The following MCF2L variants were observed in gnomAD, a reference collection of about 807,000 sequenced individuals.
MCF2L encodes the protein guanine nucleotide exchange factor DBS.
Under a neutral mutation model 153.4 loss-of-function variants are expected in MCF2L, and 97 were observed. The ratio of observed to expected loss-of-function variants is 0.63; its 90% CI spans 0.54 to 0.75. The LOEUF (loss-of-function observed/expected upper bound fraction) is 0.75, where lower values mean the gene tolerates loss of function less well. Ranked by LOEUF, MCF2L falls within the 30% of genes least tolerant of loss-of-function variation. The probability of loss-of-function intolerance (pLI) is 0.00; values close to 1 mark genes in which losing one functional copy is unlikely to be tolerated. For missense variants in MCF2L, 1,347 were observed against 1,495.2 expected (o/e 0.90, Z 1.64); for synonymous variants, 659 against 632.2 (o/e 1.04, Z -0.64).
intron 15 of MCF2L, among the ~76,000 whole-genome samples, chr13:113,080,999 A>C (rs931408314): frequency 3.3e-5 from 5 of 152,196 alleles, no homozygotes; most frequent in Admixed American, 3.3e-4. Context: ...CCAGTCTGGG[A>C]ACCAGGGAGG....
At chr13:112,940,235 T>C (rs1299864359) in intron 2 of MCF2L, among the ~76,000 whole-genome samples, 3 of 152,264 alleles carry the variant, frequency 2.0e-5, no homozygotes, top group African/African-American at 7.2e-5. Context: ...TGTAAATCTG[T>C]GTTTTATGAT....
Position 113,061,081 on chromosome 13 carries a change from G to A in MCF2L, c.489+369G>A, listed in dbSNP as rs141909218. Reference sequence around the variant, plus strand: ...GCCCACCCGCGAGGAACTCAGCCCAGGCCCTGCCTGCACCCCAGGGATGAG... The same window carrying A: ...GCCCACCCGCGAGGAACTCAGCCCAAGCCCTGCCTGCACCCCAGGGATGAG... On this transcript the variant is annotated intron_variant, in intron 5 of 29. Coordinates refer to ENST00000535094, the MANE Select transcript of MCF2L (RefSeq NM_001112732.3). Among the ~76,000 whole-genome samples, 1,077 of 152,282 alleles carry A rather than the reference G, an allele frequency of 7.1e-3. 10 individuals are homozygous for A. Among genetic ancestry groups the A allele is most frequent in the African/African-American group, 0.024 (1,012 of 41,568 alleles).
rs1280295891 is a variant in MCF2L at position 112,941,228 on chromosome 13, C to T, written c.169+38857C>T. On this transcript the variant is annotated intron_variant, in intron 2 of 29. Transcript: ENST00000375608. This position sits in a 1 kb window ranked among gnomAD's most constrained non-coding sequence, Gnocchi z 4.9. ...TTGGTTTGCTTTAGAAACATAGTTC[C>T]TGGGATGTGTCCTGTTCACAAAGCC... Among the ~76,000 whole-genome samples, 1 of 151,846 alleles carries T rather than the reference C, an allele frequency of 6.6e-6. No individual in the cohort carries two copies. The highest frequency in any genetic ancestry group is 1.5e-5 in the Non-Finnish European group (1 of 67,982).
intron 1 of MCF2L, among the ~76,000 whole-genome samples, chr13:112,970,212 A>G (rs1384559576): frequency 1.3e-5 from 2 of 152,146 alleles, no homozygotes; most frequent in Non-Finnish European, 2.9e-5. Flanking sequence ...TAAGTTGCCA[A>G]GTGTTTTGCC....
intron 1 of MCF2L, among the ~76,000 whole-genome samples, chr13:112,986,999 A>G (rs1187736664): frequency 6.6e-6 from 1 of 151,812 alleles, no homozygotes; most frequent in African/African-American, 2.4e-5. Context: ...TGGGACTCGG[A>G]GCCAGTGTCG....
intron 2 of MCF2L, among the ~76,000 whole-genome samples, chr13:113,020,458 A>C (rs1003576861): frequency 5.9e-5 from 9 of 152,242 alleles, no homozygotes; most frequent in African/African-American, 2.2e-4. Context: ...TTGCTGTGAC[A>C]AAGTCCCCTA....
chr13:112,898,120 G>T (rs539799579), intron 1 of MCF2L, among the ~76,000 whole-genome samples: 2 of 152,244 alleles, frequency 1.3e-5, no homozygotes, highest in African/African-American at 4.8e-5. Context: ...ATTTACAGTG[G>T]ATGACACGGT....
intron 15 of MCF2L, 79 bp downstream of exon 15, chr13:113,078,818 C>A: frequency 8.1e-7 from 1 of 1,241,158 alleles, no homozygotes; most frequent in Non-Finnish European, 1.1e-6. Flanking sequence ...GGCACTCGAG[C>A]AGATGCCTCA....
chr13:113,045,539 G>A lies in MCF2L; in HGVS notation c.369+178G>A. On this transcript the variant is annotated intron_variant, in intron 4 of 29. Transcript: ENST00000535094. This position sits in a 1 kb window ranked among gnomAD's most constrained non-coding sequence, Gnocchi z 4.2. ...CCCTGCTTGGGCTCCCAAGGCACTG[G>A]TGCCTGGGTGTGAGTTTTCCCAGAT... is the stretch of plus-strand genomic sequence containing the variant. 1 of 605,410 alleles carries A rather than the reference G, an allele frequency of 1.7e-6. No homozygotes were observed. The allele number at this position is 605,410 out of a possible 1,614,324, so 37.5% of individuals were successfully genotyped here. A position where few individuals can be genotyped will look rare whatever the true frequency, so the allele number is the denominator to read the frequency against.
At chr13:112,988,839 G>A (rs1205333424) in intron 1 of MCF2L, among the ~76,000 whole-genome samples, 5 of 86,902 alleles carry the variant, frequency 5.8e-5, no homozygotes, top group South Asian at 1.0e-3. Flanking sequence ...AGGGGATGGA[G>A]CTACCACGCC....
In MCF2L at chr13:113,035,005, G is replaced by A. The variant is rs548458725; in HGVS notation, c.278+10247G>A. ...GCAAGGGACCTATGGCGCCCACACC[G>A]GAGGGCGGGAAAAGGAGGAAGAGCA... On this transcript the variant is annotated intron_variant, in intron 3 of 29. Transcript: ENST00000535094. The surrounding 1 kb of genome is among the most constrained non-coding windows in gnomAD (Gnocchi z 4.4). 5.4e-4 allele frequency among the ~76,000 whole-genome samples: 83 copies of A among 152,358 alleles called. No individual in the cohort carries two copies. The highest frequency in any genetic ancestry group is 1.8e-3 in the African/African-American group (76 of 41,580).
At chr13:113,022,615 T>A (rs1465488361) in intron 2 of MCF2L, among the ~76,000 whole-genome samples, 1 of 152,242 alleles carries the variant, frequency 6.6e-6, no homozygotes, top group South Asian at 2.1e-4. Flanking sequence ...ATCCACCTCG[T>A]AGCTGGGGCG....
At chr13:112,990,552 C>T (rs1038837730) in intron 1 of MCF2L, among the ~76,000 whole-genome samples, 1 of 152,228 alleles carries the variant, frequency 6.6e-6, no homozygotes, top group African/African-American at 2.4e-5. Context: ...GGGGTCTGCT[C>T]TTGCAAGGAG....
At chr13:113,094,783 C>A (rs2480950) in intron 27 of MCF2L, 148 bp downstream of exon 27, 800,482 of 1,152,948 alleles carry the variant, frequency 0.69, 280,228 homozygotes, top group Admixed American at 0.74. Context: ...CTGGGTCTTA[C>A]GGGCAGTGCC....
intron 4 of MCF2L, among the ~76,000 whole-genome samples, chr13:113,055,249 G>A (rs776810976): frequency 3.9e-4 from 60 of 151,950 alleles, no homozygotes; most frequent in Non-Finnish European, 7.9e-4. Context: ...CTAAAACTGA[G>A]CCAAGGAAGA....
intron 26 of MCF2L, chr13:113,090,529 A>G (rs2035107684): frequency 1.0e-6 from 1 of 979,414 alleles, no homozygotes; most frequent in African/African-American, 1.8e-5. Flanking sequence ...GCCTGGTGGC[A>G]GAGGCCGCTC....
intron 27 of MCF2L, 112 bp from the exon 28 acceptor site, chr13:113,096,259 A>G: frequency 1.2e-6 from 1 of 805,102 alleles, no homozygotes; most frequent in Non-Finnish European, 2.0e-6. Flanking sequence ...GGTCGTGGCC[A>G]GGAGCTCCCA....
intron 2 of MCF2L, among the ~76,000 whole-genome samples, chr13:112,921,341 C>A (rs2081351127): frequency 6.6e-6 from 1 of 152,264 alleles, no homozygotes; most frequent in South Asian, 2.1e-4. Flanking sequence ...AGAGCAAAAG[C>A]CTTGAAGGAT....
At chr13:113,058,764 C>T (rs2030797025) in intron 4 of MCF2L, among the ~76,000 whole-genome samples, 1 of 88,382 alleles carries the variant, frequency 1.1e-5, no homozygotes, top group African/African-American at 4.9e-5. Context: ...TGTTTGGGGG[C>T]TGAGTATTTG....
Sources: allele counts gnomAD v4.1 joint callset (sites outside exome capture counted in the v4.1 genomes callset), GRCh38; gene constraint gnomAD v4.1.1; non-coding constraint Gnocchi (gnomAD v3.1); transcripts MANE v1.5; gene names NCBI Gene and HGNC (gene_info 2026-07-23, HGNC 2026-07-21).